Variants in ENAH observed in about 807,000 individuals in gnomAD.
The protein encoded by ENAH is protein enabled homolog.
A neutral mutation model predicts 78.7 loss-of-function variants in ENAH; 23 were observed. The ratio of observed to expected loss-of-function variants is 0.29; its 90% CI spans 0.21 to 0.41. The LOEUF (loss-of-function observed/expected upper bound fraction) is 0.41, where lower values mean the gene tolerates loss of function less well. Among genes scored for constraint, ENAH ranks in the 10% least tolerant of loss-of-function variants. The probability of loss-of-function intolerance (pLI) is 1.00; values close to 1 mark genes in which losing one functional copy is unlikely to be tolerated. For missense variants in ENAH, 544 were observed against 691.0 expected (o/e 0.79, Z 2.39); for synonymous variants, 226 against 241.0 (o/e 0.94, Z 0.58).
intron 1 of ENAH, among the ~76,000 whole-genome samples, chr1:225,576,825 T>C (rs1304402955): frequency 6.6e-6 from 1 of 152,134 alleles, no homozygotes. Flanking sequence ...GCTCAGACTT[T>C]TCAGAGCTGT....
chr1:225,574,039 C>T (rs548972285), intron 1 of ENAH, among the ~76,000 whole-genome samples: 25 of 152,250 alleles, frequency 1.6e-4, no homozygotes, highest in Non-Finnish European at 2.6e-4. Context: ...GATACTGAGT[C>T]ATTCTATGAA....
intron 1 of ENAH, among the ~76,000 whole-genome samples, chr1:225,603,588 T>A (rs1272700785): frequency 1.3e-5 from 2 of 152,206 alleles, no homozygotes; most frequent in Non-Finnish European, 2.9e-5. Flanking sequence ...GGAAAGGAAC[T>A]GCTATGTTTA....
chr1:225,624,904 C>G (rs1020038363), intron 1 of ENAH, among the ~76,000 whole-genome samples: 20 of 152,120 alleles, frequency 1.3e-4, no homozygotes, highest in Non-Finnish European at 1.9e-4. Context: ...CACTGCATCA[C>G]CAAATAAGTG....
At chr1:225,590,106 C>G (rs2147870050) in intron 1 of ENAH, among the ~76,000 whole-genome samples, 1 of 151,448 alleles carries the variant, frequency 6.6e-6, no homozygotes, top group Admixed American at 6.6e-5. Flanking sequence ...CACACACACA[C>G]ACACACACAC....
At chr1:225,548,176 T>C (rs202013592) in intron 3 of ENAH, among the ~76,000 whole-genome samples, 3 of 151,314 alleles carry the variant, frequency 2.0e-5, no homozygotes, top group South Asian at 2.1e-4. Flanking sequence ...TTTTTTTTTT[T>C]CCTCTAAGTT....
At chr1:225,536,990 A>G (rs574269971) in intron 3 of ENAH, among the ~76,000 whole-genome samples, 1 of 152,266 alleles carries the variant, frequency 6.6e-6, no homozygotes, top group South Asian at 2.1e-4. Flanking sequence ...AATATTTTCA[A>G]TAATTATAAG....
chr1:225,517,024 A>G (rs2096424341), intron 6 of ENAH, among the ~76,000 whole-genome samples, 172 bp downstream of exon 6: 1 of 152,100 alleles, frequency 6.6e-6, no homozygotes, highest in South Asian at 2.1e-4. Context: ...TCCAACAGGA[A>G]AAACATTTTT....
At chr1:225,543,512 T>C (rs745782615) in intron 3 of ENAH, among the ~76,000 whole-genome samples, 6 of 152,242 alleles carry the variant, frequency 3.9e-5, no homozygotes, top group Non-Finnish European at 7.3e-5. Context: ...GTAAGAATTA[T>C]TTTTGGTACC....
chr1:225,630,697 G>C (rs1658851948), intron 1 of ENAH, among the ~76,000 whole-genome samples: 1 of 152,112 alleles, frequency 6.6e-6, no homozygotes, highest in Non-Finnish European at 1.5e-5. Flanking sequence ...TCATACATGA[G>C]ACTTCATACA....
At chr1:225,529,750 G>C (rs2096528673) in intron 4 of ENAH, among the ~76,000 whole-genome samples, 1 of 152,186 alleles carries the variant, frequency 6.6e-6, no homozygotes, top group Non-Finnish European at 1.5e-5. Flanking sequence ...ATCTGGGAAA[G>C]ATCTAACCTG....
chr1:225,629,376 AG>A (rs1411312477), intron 1 of ENAH, among the ~76,000 whole-genome samples: 1 of 152,140 alleles, frequency 6.6e-6, no homozygotes, highest in Non-Finnish European at 1.5e-5. Context: ...ATTTGAGGTC[AG>A]GAATTCGTGA....
Position 225,517,183 on chromosome 1 carries a change from A to C in ENAH, c.913+13T>G, listed in dbSNP as rs1238753471. On this transcript the variant is annotated intron_variant, in intron 6 of 13. Transcript: ENST00000366843. ...AAGTGATTAGCTGTTAGTAGCAATA[A>C]TGAAAGCCTTACCCTGTTGGGATGG... is the stretch of plus-strand genomic sequence containing the variant. The C allele has an allele frequency of 6.7e-7, 1 of 1,494,058 alleles. No individual in the cohort carries two copies. Among genetic ancestry groups the C allele is most frequent in the Non-Finnish European group, 8.9e-7 (1 of 1,120,594 alleles). 92.6% of individuals were successfully genotyped at this position (1,494,058 alleles called of 1,614,324 possible). A position where few individuals can be genotyped will look rare whatever the true frequency, so the allele number is the denominator to read the frequency against.
chr1:225,653,470 T>C (rs1433184962), upstream of ENAH, among the ~76,000 whole-genome samples: 3 of 134,638 alleles, frequency 2.2e-5, no homozygotes, highest in African/African-American at 8.3e-5. The surrounding 1 kb of genome is among the most constrained non-coding windows in gnomAD (Gnocchi z 4.3). Context: ...TCCTCGCCCG[T>C]GGTTGTCCTT....
At position 225,493,594 on chromosome 1, in the gene ENAH, C is replaced by G. The variant is rs1219238314; in HGVS notation, c.*4181G>C. 1.3e-5 allele frequency: 2 copies of G among 152,058 alleles called. No homozygotes were observed. The highest frequency in any genetic ancestry group is 4.8e-5 in the African/African-American group (2 of 41,406). The allele number at this position is 152,058 out of a possible 1,614,324, so 9.4% of individuals were successfully genotyped here. Reference sequence around the variant, plus strand: ...TATGAACTCATCTTTCTATTAAAAACAAAAGTGGTGCTACCAGAAAAAGGT... The same window carrying G: ...TATGAACTCATCTTTCTATTAAAAAGAAAAGTGGTGCTACCAGAAAAAGGT... On this transcript the variant is annotated 3_prime_UTR_variant, in exon 14 of 14. Transcript: ENST00000366843.
intron 1 of ENAH, among the ~76,000 whole-genome samples, chr1:225,592,496 G>A (rs773451278): frequency 9.9e-5 from 15 of 152,116 alleles, no homozygotes; most frequent in Non-Finnish European, 1.9e-4. Flanking sequence ...GAGAATCCGC[G>A]ATGTTTAGTA....
chr1:225,611,233 G>C (rs563188415), intron 1 of ENAH, among the ~76,000 whole-genome samples: 1 of 152,260 alleles, frequency 6.6e-6, no homozygotes, highest in Non-Finnish European at 1.5e-5. Flanking sequence ...GGAGCCAAAG[G>C]TGGAAGGACT....
At chr1:225,562,850 A>G (rs1158715516) in intron 2 of ENAH, among the ~76,000 whole-genome samples, 1 of 151,704 alleles carries the variant, frequency 6.6e-6, no homozygotes, top group Non-Finnish European at 1.5e-5. Flanking sequence ...GCTCATGCCT[A>G]TAATCTCAGC....
chr1:225,500,302 AGGT>A (rs2096274629), intron 12 of ENAH, among the ~76,000 whole-genome samples: 1 of 152,244 alleles, frequency 6.6e-6, no homozygotes. Flanking sequence ...CTGAGTACAT[AGGT>A]ATTAACTATA....
At chr1:225,637,979 T>C (rs556014144) in intron 1 of ENAH, among the ~76,000 whole-genome samples, 1 of 152,340 alleles carries the variant, frequency 6.6e-6, no homozygotes, top group African/African-American at 2.4e-5. Flanking sequence ...GCTTGAACTT[T>C]ATTTTTTGTT....
Sources: allele counts gnomAD v4.1 joint callset (sites outside exome capture counted in the v4.1 genomes callset), GRCh38; gene constraint gnomAD v4.1.1; non-coding constraint Gnocchi (gnomAD v3.1); transcripts MANE v1.5; gene names NCBI Gene and HGNC (gene_info 2026-07-23, HGNC 2026-07-21).